The following PYGM variants were observed in gnomAD, a reference collection of about 807,000 sequenced individuals.
PYGM encodes glycogen phosphorylase, muscle form.
Under a neutral mutation model 99.3 loss-of-function variants are expected in PYGM, and 81 were observed. That is an observed-to-expected ratio of 0.82 (90% CI 0.68 to 0.98). The LOEUF (loss-of-function observed/expected upper bound fraction) is 0.98. PYGM is among the 50% of genes least tolerant of loss of function. The pLI is 0.00. For synonymous variants in PYGM, 436 were observed against 451.5 expected, an observed-to-expected ratio of 0.97 and a Z score of 0.44; for missense variants, 1,030 against 1,158.1, an observed-to-expected ratio of 0.89 and a Z score of 1.61.
At position 64,759,885 on chromosome 11, in the gene PYGM, A is replaced by G. The variant is rs2058423247; in HGVS notation, c.14T>C (p.Leu5Pro). The G allele has an allele frequency of 6.2e-7, 1 of 1,614,036 alleles. No homozygotes were observed. Among genetic ancestry groups the G allele is most frequent in the Non-Finnish European group, 8.5e-7 (1 of 1,179,996 alleles). ...TTGCTTTCTTTTCTCTTGGTCTGAC[A>G]GGGGCCGGGACATGGCTGCAGGAGG... MSRPLSDQEKRKQIS... is the reference protein window; with the variant it reads MSRPPSDQEKRKQIS... Residue 5 changes from leucine to proline, a missense_variant, in exon 1 of 20, where the codon CTG becomes CCG. By Grantham distance (98) the Leu-to-Pro change is moderately conservative. Transcript: ENST00000164139.
chr11:64,747,966 G>A (rs952917066), intron 17 of PYGM: 27 of 164,616 alleles, frequency 1.6e-4, no homozygotes, highest in Non-Finnish European at 2.7e-4. Flanking sequence ...ACTTGAACCC[G>A]GGAGGCGGAG....
rs1247841367 is a variant in PYGM at position 64,752,256 on chromosome 11, C to T, written c.1620+147G>A. 8 of 1,270,616 alleles carry T rather than the reference C, an allele frequency of 6.3e-6. No individual in the cohort carries two copies. In the East Asian group the frequency reaches 7.1e-5, roughly 11 times the overall value. The allele number at this position is 1,270,616 out of a possible 1,614,324, so 78.7% of individuals were successfully genotyped here. A position where few individuals can be genotyped will look rare whatever the true frequency, so the allele number is the denominator to read the frequency against. On this transcript the variant is annotated intron_variant, in intron 13 of 19. Transcript: ENST00000164139. ...ACTGTTCATGTGAGGTCAGATGATG[C>T]CTTCCCACCACAGACTCCAGGCAAC...
chr11:64,752,106 G>A, intron 13 of PYGM, 35 bp from the exon 14 acceptor site: 1 of 1,613,818 alleles, frequency 6.2e-7, no homozygotes, highest in Non-Finnish European at 8.5e-7. Flanking sequence ...TCACCAACAG[G>A]CCACAGCCTC....
In PYGM at chr11:64,751,123, C is replaced by T. The variant is rs963943495; in HGVS notation, c.1969+202G>A. The T allele has an allele frequency of 5.8e-6, 4 of 686,486 alleles. No individual in the cohort carries two copies. In the Admixed American group the frequency reaches 6.9e-5, roughly 12 times the overall value. 42.5% of individuals were successfully genotyped at this position (686,486 alleles called of 1,614,324 possible). On this transcript the variant is annotated intron_variant, in intron 16 of 19. Transcript: ENST00000164139. ...GCCAGGCTGGTCTCGAACTCCTGAC[C>T]TCAGGTGATCCACCCACCTTGGCCT...
chr11:64,758,374 G>C (rs1417016247), intron 3 of PYGM, 25 bp from the exon 4 acceptor site: 2 of 1,612,780 alleles, frequency 1.2e-6, no homozygotes, highest in African/African-American at 2.7e-5. Context: ...GGAGGTGGCT[G>C]TCAGGGACCC....
In PYGM at chr11:64,755,377, A is replaced by T; in HGVS notation, c.773-22T>A. On this transcript the variant is annotated intron_variant, in intron 6 of 19. Coordinates refer to ENST00000164139, the MANE Select transcript of PYGM (RefSeq NM_005609.4). This position sits in a 1 kb window ranked among gnomAD's most constrained non-coding sequence, Gnocchi z 4.1. Reference sequence around the variant, plus strand: ...TTGACTGAGGGACAAAAGTGGGGACAGGGTAAGGCCTGCGCTGGGCGTGGC... The same window carrying T: ...TTGACTGAGGGACAAAAGTGGGGACTGGGTAAGGCCTGCGCTGGGCGTGGC... 6.2e-7 allele frequency: 1 copy of T among 1,613,766 alleles called. No homozygotes were observed. Among genetic ancestry groups the T allele is most frequent in the Non-Finnish European group, 8.5e-7 (1 of 1,179,658 alleles).
chr11:64,751,812 C>A (rs968137830), intron 14 of PYGM, 112 bp downstream of exon 14: 31 of 1,542,406 alleles, frequency 2.0e-5, no homozygotes, highest in Admixed American at 3.5e-5. Flanking sequence ...GGGATAATTC[C>A]ATGTCCCAAG....
Position 64,754,909 on chromosome 11 carries a change from GA to G in PYGM, c.856-74del. The G allele has an allele frequency of 6.3e-7, 1 of 1,585,324 alleles. No homozygotes were observed. The highest frequency in any genetic ancestry group is 8.6e-7 in the Non-Finnish European group (1 of 1,166,574). ...CTAAAGCTGCGGTGGGTGTGGCCAG[GA>G]GGGACTCCCACCCATACCGGGACCC... On this transcript the variant is annotated intron_variant, in intron 7 of 19. Transcript: ENST00000164139. The surrounding 1 kb of genome is among the most constrained non-coding windows in gnomAD (Gnocchi z 5.5).
chr11:64,750,102 ATT>A (rs143636181), intron 17 of PYGM, among the ~76,000 whole-genome samples: 2 of 152,028 alleles, frequency 1.3e-5, no homozygotes, highest in South Asian at 4.1e-4. Flanking sequence ...TAGAGCAAGG[ATT>A]TTTTTACTTC....
intron 17 of PYGM, among the ~76,000 whole-genome samples, chr11:64,749,271 C>T (rs1020364497): frequency 5.9e-5 from 9 of 151,944 alleles, no homozygotes; most frequent in Admixed American, 4.6e-4. Context: ...CGCTTGTACC[C>T]GGGCGGTGGA....
chr11:64,747,382 G>C (rs749699516), intron 17 of PYGM, 24 bp from the exon 18 acceptor site: 4 of 1,614,028 alleles, frequency 2.5e-6, no homozygotes, highest in South Asian at 2.2e-5. Flanking sequence ...GCTGTGGTCA[G>C]CTCCCCGGAA....
chr11:64,753,322 C>T (rs949189266), intron 11 of PYGM, 135 bp from the exon 12 acceptor site: 5 of 1,186,736 alleles, frequency 4.2e-6, no homozygotes, highest in African/African-American at 3.0e-5. Flanking sequence ...GTTGGGGGTG[C>T]TGTGTGTAAG....
chr11:64,747,418 G>A (rs929127707), intron 17 of PYGM, 60 bp from the exon 18 acceptor site: 8 of 1,610,388 alleles, frequency 5.0e-6, no homozygotes, highest in Non-Finnish European at 6.8e-6. Flanking sequence ...CTCTTCCAGA[G>A]AAAAGCTGAG....
In PYGM at chr11:64,746,476, G is replaced by A. The variant is rs376450890; in HGVS notation, c.*183C>T. Reference sequence around the variant, plus strand: ...AATAGGAGGGGACCGGGAGCCCGAGGACGGAAGGGGGCCCGTGTCCTTAGT... The same window carrying A: ...AATAGGAGGGGACCGGGAGCCCGAGAACGGAAGGGGGCCCGTGTCCTTAGT... On this transcript the variant is annotated 3_prime_UTR_variant, in exon 20 of 20. Coordinates refer to ENST00000164139, the MANE Select transcript of PYGM (RefSeq NM_005609.4). 1.2e-6 allele frequency: 1 copy of A among 802,216 alleles called. No homozygotes were observed. Among genetic ancestry groups the A allele is most frequent in the Non-Finnish European group, 2.0e-6 (1 of 505,626 alleles). 49.7% of individuals were successfully genotyped at this position (802,216 alleles called of 1,614,324 possible). A position where few individuals can be genotyped will look rare whatever the true frequency, so the allele number is the denominator to read the frequency against.
At position 64,755,466 on chromosome 11, in the gene PYGM, A is replaced by T. The variant is rs748653220; in HGVS notation, c.753T>A (p.Asn251Lys). The T allele has an allele frequency of 1.9e-6, 3 of 1,614,152 alleles. No homozygotes were observed. Among genetic ancestry groups the T allele is most frequent in the Non-Finnish European group, 2.5e-6 (3 of 1,180,000 alleles). The change falls in exon 6 of 20, where the codon AAT becomes AAA. Residue 251 changes from asparagine (N) to lysine (K), a missense_variant. Asn to Lys is a moderately conservative substitution (Grantham distance 94). Transcript: ENST00000164139. The surrounding 1 kb of genome is among the most constrained non-coding windows in gnomAD (Gnocchi z 4.1). ...ACTCACAGTCCTTGAGGTTGAAGTC[A>T]TTGGGAGCCTTGGCAGACCAGAGGC... ...TMRLWSAKAP[N>K]DFNLKDFNVG...
In PYGM at chr11:64,754,626, C is replaced by G. The variant is rs1051299893; in HGVS notation, c.999+67G>C. 2.0e-5 allele frequency: 32 copies of G among 1,586,832 alleles called. No homozygotes were observed. The highest frequency in any genetic ancestry group is 2.7e-5 in the Non-Finnish European group (31 of 1,164,082). ...TATCTATTACATGGGGCAGGCAGGC[C>G]GAGGCTGGAGGGAGAGGCCTAGCAC... On this transcript the variant is annotated intron_variant, in intron 8 of 19. Transcript: ENST00000164139. This position sits in a 1 kb window ranked among gnomAD's most constrained non-coding sequence, Gnocchi z 5.5.
In PYGM at chr11:64,758,793, G is replaced by A. The variant is rs988639721; in HGVS notation, c.244-89C>T. 95 of 1,167,840 alleles carry A rather than the reference G, an allele frequency of 8.1e-5. No individual in the cohort carries two copies. In the Middle Eastern group the frequency reaches 9.2e-4, roughly 11 times the overall value. The allele number at this position is 1,167,840 out of a possible 1,614,324, so 72.3% of individuals were successfully genotyped here. A position where few individuals can be genotyped will look rare whatever the true frequency, so the allele number is the denominator to read the frequency against. On this transcript the variant is annotated intron_variant, in intron 1 of 19. Coordinates refer to ENST00000164139, the MANE Select transcript of PYGM (RefSeq NM_005609.4). The stretch of plus-strand genomic sequence containing the variant: ...CCAGCCACGCCTGGACCTCTGGCCC[G>A]CCTGCCCTGCTCAGCAGTCCCATCC...
intron 17 of PYGM, 48 bp downstream of exon 17, chr11:64,750,328 A>G: frequency 1.2e-6 from 2 of 1,607,480 alleles, no homozygotes; most frequent in African/African-American, 1.3e-5. Context: ...ACCACTCTCC[A>G]GCAGCCACAC....
chr11:64,752,168 G>GA (rs2058361422), intron 13 of PYGM, 97 bp from the exon 14 acceptor site: 1 of 1,545,590 alleles, frequency 6.5e-7, no homozygotes, highest in Non-Finnish European at 8.9e-7. Context: ...TGGCTACCAG[G>GA]AGGCTCACTG....
Sources: allele counts gnomAD v4.1 joint callset (sites outside exome capture counted in the v4.1 genomes callset), GRCh38; gene constraint gnomAD v4.1.1; non-coding constraint Gnocchi (gnomAD v3.1); transcripts MANE v1.5; gene names NCBI Gene and HGNC (gene_info 2026-07-23, HGNC 2026-07-21).